Variants in RFX4 observed in about 807,000 individuals in gnomAD.
RFX4 encodes regulatory factor X4.
RFX4 carries 10 observed loss-of-function variants against 95.0 expected under a neutral mutation model. The observed-to-expected ratio is 0.11, with a 90% CI of 0.06 to 0.18. The LOEUF is 0.18. RFX4 is among the 10% of genes least tolerant of loss of function. The pLI is 1.00. For synonymous variants in RFX4, 321 were observed against 340.7 expected (o/e 0.94, Z 0.64); for missense variants, 640 against 922.0 (o/e 0.69, Z 3.96).
chr12:106,737,286 T>C (rs2042729234), intron 15 of RFX4, among the ~76,000 whole-genome samples: 1 of 149,850 alleles, frequency 6.7e-6, no homozygotes, highest in African/African-American at 2.5e-5. Context: ...CTCCAAAATA[T>C]ATTTCTCAGG....
chr12:106,642,948 G>A (rs1166270056), intron 3 of RFX4, among the ~76,000 whole-genome samples: 3 of 152,206 alleles, frequency 2.0e-5, no homozygotes, highest in Admixed American at 6.5e-5. Context: ...GCCCATAGGG[G>A]TGTGAGGGAT....
chr12:106,644,103 A>G (rs2040691561), intron 3 of RFX4, among the ~76,000 whole-genome samples: 2 of 152,120 alleles, frequency 1.3e-5, no homozygotes, highest in Admixed American at 6.5e-5. Flanking sequence ...GTATTGATCC[A>G]CTACTTGCTT....
At chr12:106,678,185 C>T (rs1214547365) in intron 4 of RFX4, among the ~76,000 whole-genome samples, 1 of 152,118 alleles carries the variant, frequency 6.6e-6, no homozygotes, top group African/African-American at 2.4e-5. Context: ...AGAGGTAGAA[C>T]AAATGGCTCC....
chr12:106,601,262 AG>A (rs752364925), intron 1 of RFX4: 8 of 1,581,998 alleles, frequency 5.1e-6, no homozygotes, highest in Middle Eastern at 2.0e-4. Context: ...AGAGACAGAA[AG>A]GGGCTGAGAC....
At chr12:106,690,393 C>T (rs901007924) in intron 7 of RFX4, among the ~76,000 whole-genome samples, 4 of 152,254 alleles carry the variant, frequency 2.6e-5, no homozygotes, top group Middle Eastern at 3.4e-3. Flanking sequence ...TGCTTTCTTT[C>T]GAACTGCGGT....
chr12:106,699,595 A>G (rs1463043094), intron 8 of RFX4, among the ~76,000 whole-genome samples: 1 of 152,192 alleles, frequency 6.6e-6, no homozygotes, highest in Non-Finnish European at 1.5e-5. Context: ...TACAAATTAG[A>G]ACTGTTATGT....
At chr12:106,649,302 C>G (rs1242499917) in intron 3 of RFX4, among the ~76,000 whole-genome samples, 1 of 152,134 alleles carries the variant, frequency 6.6e-6, no homozygotes, top group African/African-American at 2.4e-5. Context: ...TGGTTTTGGG[C>G]AAAGGTGTCA....
chr12:106,715,280 G>T, intron 10 of RFX4, 120 bp from the exon 11 acceptor site: 2 of 1,161,868 alleles, frequency 1.7e-6, no homozygotes, highest in Non-Finnish European at 1.2e-6. Context: ...TGAATTTCCC[G>T]GAATTTCAGG....
chr12:106,674,205 G>T (rs990712811), intron 4 of RFX4, among the ~76,000 whole-genome samples: 1 of 152,086 alleles, frequency 6.6e-6, no homozygotes, highest in Non-Finnish European at 1.5e-5. Context: ...ATTCCTTCTT[G>T]CAGTTTCCTT....
Position 106,661,244 on chromosome 12 carries a change from CT to C in RFX4, c.315+6897del, listed in dbSNP as rs568357702. Reference sequence around the variant, plus strand: ...GATCTTACCGTATTAGCCCAAAACACTTTTCAACTAGAAATCATAAAATAGC... The same window carrying C: ...GATCTTACCGTATTAGCCCAAAACACTTTCAACTAGAAATCATAAAATAGC... On this transcript the variant is annotated intron_variant, in intron 4 of 17. Coordinates refer to ENST00000392842, the MANE Select transcript of RFX4 (RefSeq NM_213594.3). Among the ~76,000 whole-genome samples the C allele has an allele frequency of 2.6e-3, 397 of 152,326 alleles. 1 individual carries two copies. Among genetic ancestry groups the C allele is most frequent in the African/African-American group, 8.8e-3 (366 of 41,570 alleles).
Position 106,733,069 on chromosome 12 carries a change from T to G in RFX4, c.1617T>G (p.Thr539=), listed in dbSNP as rs775276181. 7 of 1,614,140 alleles carry G rather than the reference T, an allele frequency of 4.3e-6. No individual in the cohort carries two copies. Among genetic ancestry groups the G allele is most frequent in the Admixed American group, 1.7e-5 (1 of 60,012 alleles). ...TTAGCAATCCTTCCCCTGAGTACAC[T>G]GGCCTCAGCACTACAGGTAATGGAA... ...SPVSNPSPEY[T]GLSTTGAMQS... The change falls in exon 15 of 18, where the codon ACT becomes ACG. Residue 539 remains threonine (T), a synonymous_variant. Coordinates refer to ENST00000392842, the MANE Select transcript of RFX4 (RefSeq NM_213594.3).
At position 106,608,895 on chromosome 12, in the gene RFX4, A is replaced by G; in HGVS notation, c.130+12A>G. 1 of 1,602,904 alleles carries G rather than the reference A, an allele frequency of 6.2e-7. No individual in the cohort carries two copies. Among genetic ancestry groups the G allele is most frequent in the Non-Finnish European group, 8.5e-7 (1 of 1,176,126 alleles). On this transcript the variant is annotated intron_variant, in intron 2 of 17. Transcript: ENST00000392842. ...TTCTAATGATGAAAGTAAGTGCTTGAAACTCATTCTTCCATGACATCCCAG... is the reference window on the plus strand; with the variant it reads ...TTCTAATGATGAAAGTAAGTGCTTGGAACTCATTCTTCCATGACATCCCAG...
At chr12:106,620,259 C>T (rs868582375) in intron 2 of RFX4, among the ~76,000 whole-genome samples, 7 of 152,194 alleles carry the variant, frequency 4.6e-5, no homozygotes, top group Middle Eastern at 6.8e-3. Context: ...ATTGGGGGAA[C>T]GCACCCCCAA....
At chr12:106,648,626 GTTT>G (rs59743543) in intron 3 of RFX4, among the ~76,000 whole-genome samples, 4 of 124,916 alleles carry the variant, frequency 3.2e-5, no homozygotes, top group Admixed American at 8.1e-5. Flanking sequence ...ATCCTGTGGG[GTTT>G]TTTTTTTTTT....
intron 7 of RFX4, among the ~76,000 whole-genome samples, chr12:106,695,955 C>T (rs2041870194): frequency 6.6e-6 from 1 of 152,224 alleles, no homozygotes; most frequent in Non-Finnish European, 1.5e-5. Flanking sequence ...CCCCACCTTC[C>T]TTTCCTTAAA....
chr12:106,632,853 G>A (rs2040442967), intron 2 of RFX4, among the ~76,000 whole-genome samples: 1 of 151,756 alleles, frequency 6.6e-6, no homozygotes, highest in Non-Finnish European at 1.5e-5. Context: ...GGCACTACAG[G>A]TGCACGCCAC....
intron 1 of RFX4, among the ~76,000 whole-genome samples, chr12:106,604,063 TA>T (rs2039769987): frequency 6.6e-6 from 1 of 151,420 alleles, no homozygotes. Flanking sequence ...ACTTGGTAAC[TA>T]GAGGGCAGAA....
intron 2 of RFX4, among the ~76,000 whole-genome samples, chr12:106,617,447 G>C (rs769815484): frequency 1.3e-5 from 2 of 152,084 alleles, no homozygotes; most frequent in Non-Finnish European, 2.9e-5. Flanking sequence ...TTATTGTTCA[G>C]TTAAACATAT....
intron 3 of RFX4, 134 bp from the exon 4 acceptor site, chr12:106,654,094 G>A: frequency 8.2e-7 from 1 of 1,212,362 alleles, no homozygotes; most frequent in Admixed American, 1.9e-5. Context: ...TGTCTTCCTG[G>A]GCCCCAGCTT....
Sources: gnomAD v4.1 joint callset for allele counts (sites outside exome capture counted in the v4.1 genomes callset) on GRCh38, gnomAD v4.1.1 for gene constraint, MANE v1.5 for transcripts, NCBI Gene and HGNC (gene_info 2026-07-23, HGNC 2026-07-21) for gene names.